Variants in KMT2E observed in about 807,000 individuals in gnomAD.
KMT2E encodes lysine methyltransferase 2E (inactive), also known as histone reader KMT2E.
KMT2E carries 30 observed loss-of-function variants against 184.6 expected under a neutral mutation model. The observed-to-expected ratio is 0.16, with a 90% CI of 0.12 to 0.22. KMT2E has a LOEUF of 0.22. Among genes scored for constraint, KMT2E ranks in the 10% least tolerant of loss-of-function variants. The probability of loss-of-function intolerance (pLI) is 1.00; values close to 1 mark genes in which losing one functional copy is unlikely to be tolerated. For missense variants in KMT2E, 2,023 were observed against 2,237.4 expected, an observed-to-expected ratio of 0.90 and a Z score of 1.93; for synonymous variants, 815 against 776.5, an observed-to-expected ratio of 1.05 and a Z score of -0.82.
intron 6 of KMT2E, among the ~76,000 whole-genome samples, chr7:105,071,560 A>G (rs1322672427): frequency 1.6e-4 from 16 of 99,422 alleles, no homozygotes; most frequent in Admixed American, 1.1e-3. Flanking sequence ...GTGTGTATGT[A>G]TGTATGTATG....
chr7:105,059,611 G>T (rs1291349522), intron 3 of KMT2E, among the ~76,000 whole-genome samples: 2 of 152,104 alleles, frequency 1.3e-5, no homozygotes, highest in Admixed American at 6.5e-5. Context: ...AGGGGAAATT[G>T]TTAAATAAAT....
At chr7:105,085,942 G>C (rs1797945918) in intron 13 of KMT2E, among the ~76,000 whole-genome samples, 1 of 152,130 alleles carries the variant, frequency 6.6e-6, no homozygotes, top group African/African-American at 2.4e-5. Context: ...AAAGTGTTGA[G>C]ATTACAGGCA....
Position 105,110,798 on chromosome 7 carries a change from C to T in KMT2E, c.3998C>T (p.Thr1333Ile), listed in dbSNP as rs148593590. The change falls in exon 26 of 27, where the codon ACA becomes ATA. Residue 1333 changes from threonine to isoleucine, a missense_variant. By Grantham distance (89) the Thr-to-Ile change is moderately conservative. This residue lies in a region of KMT2E where 1,108 missense variants were observed against 1,050.9 expected (regional missense o/e 1.05). Coordinates refer to ENST00000311117, the MANE Select transcript of KMT2E (RefSeq NM_182931.3). ...CCTGATCCTGAAAATCCAGAACCCACAACTACGAATGAATGTCCATCCCCA... is the reference window on the plus strand; with the variant it reads ...CCTGATCCTGAAAATCCAGAACCCATAACTACGAATGAATGTCCATCCCCA... ...EDPDPENPEPTTTNECPSPDT... is the reference protein window; with the variant it reads ...EDPDPENPEPITTNECPSPDT... The T allele has an allele frequency of 9.9e-6, 16 of 1,613,974 alleles. No homozygotes were observed. The African/African-American group carries it at 1.9e-4, about 19-fold the overall frequency.
chr7:105,105,657 A>G lies in KMT2E; in HGVS notation c.2415A>G (p.Lys805=). The part of the protein sequence containing the change: ...SPFLSEKRRR[K]EPTENISGSC... ...TCCTTTCAGAAAAAAGGAGAAGAAAAGAACCTACTGAAAACATTTCTGGTT... is the reference window on the plus strand; with the variant it reads ...TCCTTTCAGAAAAAAGGAGAAGAAAGGAACCTACTGAAAACATTTCTGGTT... Residue 805 remains lysine (K), a synonymous_variant, in exon 18 of 27, where the codon AAA becomes AAG. Transcript: ENST00000311117. 6.2e-7 allele frequency: 1 copy of G among 1,606,870 alleles called. No individual in the cohort carries two copies. Among genetic ancestry groups the G allele is most frequent in the Non-Finnish European group, 8.5e-7 (1 of 1,178,284 alleles).
Position 105,107,700 on chromosome 7 carries a change from C to T in KMT2E, c.3243C>T (p.Asn1081=), listed in dbSNP as rs767764718. The T allele has an allele frequency of 6.2e-7, 1 of 1,614,024 alleles. No homozygotes were observed. Among genetic ancestry groups the T allele is most frequent in the African/African-American group, 1.3e-5 (1 of 74,932 alleles). ...GAACAGGAGTTAACTTCTCAGTGAA[C>T]TCCAACTTGAGGGACCTGACACCCT... ...PDRTGVNFSV[N]SNLRDLTPSH... is the part of the protein sequence containing the mutation. The change falls in exon 22 of 27, where the codon AAC becomes AAT. Residue 1081 remains asparagine, a synonymous_variant. Transcript: ENST00000311117.
intron 19 of KMT2E, among the ~76,000 whole-genome samples, 190 bp from the exon 20 acceptor site, chr7:105,106,332 T>C (rs943977611): frequency 1.3e-5 from 2 of 152,160 alleles, no homozygotes; most frequent in Non-Finnish European, 2.9e-5. Context: ...AAGGTAATGC[T>C]TGCTAATTGG....
chr7:105,038,882 C>T (rs1176690247), intron 2 of KMT2E, among the ~76,000 whole-genome samples: 1 of 151,986 alleles, frequency 6.6e-6, no homozygotes, highest in Non-Finnish European at 1.5e-5. Context: ...ATACATATGA[C>T]CTCTTGTCTT....
chr7:105,044,175 A>C (rs747083735), intron 3 of KMT2E, among the ~76,000 whole-genome samples: 3 of 152,194 alleles, frequency 2.0e-5, no homozygotes, highest in Non-Finnish European at 4.4e-5. Context: ...GAAGCAATGA[A>C]AATTAAAGTG....
chr7:105,077,219 T>C lies in KMT2E; in HGVS notation c.999+26T>C, dbSNP rs751482166. 3 of 1,608,166 alleles carry C rather than the reference T, an allele frequency of 1.9e-6. No homozygotes were observed. In the African/African-American group the frequency reaches 4.0e-5, roughly 22 times the overall value. Reference sequence around the variant, plus strand: ...GTAAATACATCATTTGTCCAAAAATTGTAAAGCAGTTTTATATTGTGAATT... The same window carrying C: ...GTAAATACATCATTTGTCCAAAAATCGTAAAGCAGTTTTATATTGTGAATT... On this transcript the variant is annotated intron_variant, in intron 10 of 26. Transcript: ENST00000311117.
chr7:105,033,616 A>C (rs1795514127), intron 1 of KMT2E, among the ~76,000 whole-genome samples: 1 of 152,104 alleles, frequency 6.6e-6, no homozygotes, highest in Admixed American at 6.5e-5. Flanking sequence ...CTTCGGCCTC[A>C]GCCTCCTGCG....
chr7:105,107,444 A>C lies in KMT2E; in HGVS notation c.2987A>C (p.Lys996Thr). Residue 996 changes from lysine to threonine, a missense_variant, in exon 22 of 27, where the codon AAG becomes ACG. Coordinates refer to ENST00000311117, the MANE Select transcript of KMT2E (RefSeq NM_182931.3). ...ACTGAACTGGGTCTGCAAGAAATAA[A>C]GACTATTGGTTATACGAGCCCTAGG... ...NLTELGLQEIKTIGYTSPRSR... is the reference protein window; with the variant it reads ...NLTELGLQEITTIGYTSPRSR... The C allele has an allele frequency of 1.9e-6, 3 of 1,613,642 alleles. No individual in the cohort carries two copies. The highest frequency in any genetic ancestry group is 2.5e-6 in the Non-Finnish European group (3 of 1,179,848).
chr7:105,063,266 A>C lies in KMT2E; in HGVS notation c.187-85A>C, dbSNP rs866282800. On this transcript the variant is annotated intron_variant, in intron 4 of 26. Transcript: ENST00000311117. ...TCATATCTCTTGAGTATTGAAATTA[A>C]GGGTTGAATTTTATTTAAGTTGCTT... The C allele has an allele frequency of 3.2e-5, 31 of 958,774 alleles. No homozygotes were observed. In the Middle Eastern group the frequency reaches 1.3e-3, roughly 41 times the overall value. 59.4% of individuals were successfully genotyped at this position (958,774 alleles called of 1,614,324 possible). A position where few individuals can be genotyped will look rare whatever the true frequency, so the allele number is the denominator to read the frequency against.
At chr7:105,088,226 G>A (rs1373649622) in intron 13 of KMT2E, among the ~76,000 whole-genome samples, 4 of 152,090 alleles carry the variant, frequency 2.6e-5, no homozygotes, top group South Asian at 4.1e-4. Flanking sequence ...ATTACCTCAC[G>A]TATATGAGAA....
intron 13 of KMT2E, among the ~76,000 whole-genome samples, chr7:105,086,276 C>T (rs1327204552): frequency 6.6e-6 from 1 of 152,124 alleles, no homozygotes; most frequent in Non-Finnish European, 1.5e-5. Flanking sequence ...ATAGTATGTA[C>T]ATGTTCTCTC....
chr7:105,024,851 G>A (rs1469365214), intron 1 of KMT2E, among the ~76,000 whole-genome samples: 1 of 152,096 alleles, frequency 6.6e-6, no homozygotes, highest in African/African-American at 2.4e-5. Context: ...ACTGGTCTTT[G>A]TACAGTGTCA....
At chr7:105,073,172 G>A (rs968785513) in intron 6 of KMT2E, among the ~76,000 whole-genome samples, 5 of 151,728 alleles carry the variant, frequency 3.3e-5, no homozygotes, top group Non-Finnish European at 7.4e-5. Context: ...TCTTTGGGAG[G>A]CAGGGGTGGG....
chr7:105,059,317 A>G (rs1464891158), intron 3 of KMT2E, among the ~76,000 whole-genome samples: 5 of 152,208 alleles, frequency 3.3e-5, no homozygotes, highest in African/African-American at 4.8e-5. Context: ...TGCTCTGGCC[A>G]CAGTTCCTGC....
intron 15 of KMT2E, 132 bp from the exon 16 acceptor site, chr7:105,101,293 T>TC: frequency 1.8e-6 from 1 of 555,296 alleles, no homozygotes; most frequent in Non-Finnish European, 2.9e-6. Context: ...TCTCCCCATA[T>TC]CCACCAATAA....
chr7:105,108,493 C>T (rs377207500), intron 22 of KMT2E: 58 of 443,654 alleles, frequency 1.3e-4, no homozygotes, highest in South Asian at 9.0e-4. Context: ...AGGCTTATTG[C>T]TTTGCAAGTC....
Sources: gnomAD v4.1 joint callset for allele counts (sites outside exome capture counted in the v4.1 genomes callset) on GRCh38, gnomAD v4.1.1 for gene constraint, gnomAD v4.1.1 regional missense constraint, MANE v1.5 for transcripts, NCBI Gene and HGNC (gene_info 2026-07-23, HGNC 2026-07-21) for gene names.